The following MTDH variants were observed in gnomAD, a reference collection of about 807,000 sequenced individuals.
The protein encoded by MTDH is protein LYRIC.
Under a neutral mutation model 72.7 loss-of-function variants are expected in MTDH, and 34 were observed. That is an observed-to-expected ratio of 0.47 (90% CI 0.36 to 0.62). The LOEUF (loss-of-function observed/expected upper bound fraction) is 0.62, where lower values mean the gene tolerates loss of function less well. MTDH is among the 20% of genes least tolerant of loss of function. The probability of loss-of-function intolerance (pLI) is 0.00; values close to 1 mark genes in which losing one functional copy is unlikely to be tolerated. For missense variants in MTDH, 677 were observed against 699.4 expected, an observed-to-expected ratio of 0.97 and a Z score of 0.36; for synonymous variants, 266 against 268.9, an observed-to-expected ratio of 0.99 and a Z score of 0.10.
At chr8:97,689,705 CTTTT>C (rs34132114) in intron 5 of MTDH, among the ~76,000 whole-genome samples, 1 of 123,462 alleles carries the variant, frequency 8.1e-6, no homozygotes, top group Non-Finnish European at 1.7e-5. Context: ...TCTTTCAGGC[CTTTT>C]TTTTTTTTTT....
At chr8:97,713,616 C>A in intron 8 of MTDH, 46 bp from the exon 9 acceptor site, 1 of 1,046,366 alleles carries the variant, frequency 9.6e-7, no homozygotes, top group South Asian at 1.7e-5. Flanking sequence ...AAATAATGGA[C>A]ACATAACCAT....
At chr8:97,711,152 T>C (rs1318478199) in intron 8 of MTDH, among the ~76,000 whole-genome samples, 1 of 151,982 alleles carries the variant, frequency 6.6e-6, no homozygotes, top group African/African-American at 2.4e-5. Context: ...AATTCAGTTT[T>C]TTAAATTAAA....
chr8:97,684,271 A>G (rs994746745), intron 2 of MTDH, among the ~76,000 whole-genome samples: 1 of 151,978 alleles, frequency 6.6e-6, no homozygotes, highest in African/African-American at 2.4e-5. Context: ...TATGAGTTCC[A>G]TGTTGAAATG....
rs1430881526 is a variant in MTDH, at chr8:97,728,771, A to T, written c.*4101A>T. ...CCCCATCTCGACAAAAAAAAAAAAA[A>T]AAAATTAGAAACAAAAAAAAGATTG... On this transcript the variant is annotated 3_prime_UTR_variant, in exon 12 of 12. Coordinates refer to ENST00000336273, the MANE Select transcript of MTDH (RefSeq NM_178812.4). 1 of 151,660 alleles carries T rather than the reference A, an allele frequency of 6.6e-6. No individual in the cohort carries two copies. Among genetic ancestry groups the T allele is most frequent in the Non-Finnish European group, 1.5e-5 (1 of 67,958 alleles). The allele number at this position is 151,660 out of a possible 1,614,324, so 9.4% of individuals were successfully genotyped here. A position where few individuals can be genotyped will look rare whatever the true frequency, so the allele number is the denominator to read the frequency against.
intron 7 of MTDH, among the ~76,000 whole-genome samples, chr8:97,700,686 A>G (rs926759170): frequency 1.3e-5 from 2 of 152,192 alleles, no homozygotes; most frequent in African/African-American, 2.4e-5. Flanking sequence ...AAACATTTCT[A>G]TGTGGTAGGT....
intron 2 of MTDH, among the ~76,000 whole-genome samples, chr8:97,683,090 A>T: frequency 1.4e-5 from 1 of 71,712 alleles, no homozygotes; most frequent in East Asian, 5.4e-4. Context: ...TTTGAGATGG[A>T]GTCTCTCTCT....
Position 97,686,772 on chromosome 8 carries a change from G to C in MTDH, c.568+20G>C. On this transcript the variant is annotated intron_variant, in intron 3 of 11. Coordinates refer to ENST00000336273, the MANE Select transcript of MTDH (RefSeq NM_178812.4). ...ATGAAGGTACTTGAGCAAGGGAAAGGACTGTAGAAAATTTTTTAATCCTTT... is the reference window on the plus strand; with the variant it reads ...ATGAAGGTACTTGAGCAAGGGAAAGCACTGTAGAAAATTTTTTAATCCTTT... 6.5e-7 allele frequency: 1 copy of C among 1,541,906 alleles called. No homozygotes were observed. Among genetic ancestry groups the C allele is most frequent in the Non-Finnish European group, 8.7e-7 (1 of 1,143,476 alleles).
At chr8:97,645,516 C>T (rs557742129) in intron 1 of MTDH, among the ~76,000 whole-genome samples, 2 of 152,168 alleles carry the variant, frequency 1.3e-5, no homozygotes, top group East Asian at 1.9e-4. Context: ...TTACCTAATA[C>T]GCTTTGAGGT....
chr8:97,653,098 A>G (rs893537969), intron 1 of MTDH, among the ~76,000 whole-genome samples: 1 of 151,932 alleles, frequency 6.6e-6, no homozygotes, highest in Non-Finnish European at 1.5e-5. Flanking sequence ...TAGCCTGGCG[A>G]CAGAGCGAGA....
chr8:97,649,303 T>C (rs1452600963), intron 1 of MTDH, among the ~76,000 whole-genome samples: 1 of 152,250 alleles, frequency 6.6e-6, no homozygotes, highest in Non-Finnish European at 1.5e-5. Flanking sequence ...TTGTTTAGAC[T>C]GTTCTAACAT....
chr8:97,688,713 C>T (rs1813465297), intron 4 of MTDH, among the ~76,000 whole-genome samples: 1 of 152,082 alleles, frequency 6.6e-6, no homozygotes, highest in Non-Finnish European at 1.5e-5. Flanking sequence ...AAGTTGAATC[C>T]AATTACAGAG....
At position 97,689,068 on chromosome 8, in the gene MTDH, A is replaced by G; in HGVS notation, c.776A>G (p.Asn259Ser). Residue 259 changes from asparagine to serine, a missense_variant, in exon 5 of 12, where the codon AAC (asparagine) becomes AGC (serine). By Grantham distance (46) the Asn-to-Ser change is conservative. Coordinates refer to ENST00000336273, the MANE Select transcript of MTDH (RefSeq NM_178812.4). ...TCTCATCTAAATGTTCAAGTTAGCA[A>G]CTTTAAATCTGGAAAAGGAGATTCT... is the stretch of plus-strand genomic sequence containing the variant. ...GDSHLNVQVS[N>S]FKSGKGDSTL... is the part of the protein sequence containing the mutation. 2 of 1,585,538 alleles carry G rather than the reference A, an allele frequency of 1.3e-6. No homozygotes were observed. The highest frequency in any genetic ancestry group is 2.2e-5 in the East Asian group (1 of 44,462).
intron 2 of MTDH, among the ~76,000 whole-genome samples, chr8:97,663,039 G>A (rs1161543777): frequency 6.6e-6 from 1 of 152,074 alleles, no homozygotes; most frequent in Non-Finnish European, 1.5e-5. Flanking sequence ...CATAAGGAGT[G>A]TGAGTTTATA....
intron 2 of MTDH, among the ~76,000 whole-genome samples, chr8:97,662,126 T>G (rs1328824906): frequency 6.6e-6 from 1 of 151,908 alleles, no homozygotes; most frequent in Non-Finnish European, 1.5e-5. Flanking sequence ...TTCTTAACAG[T>G]GGTTCCTTCT....
Position 97,706,642 on chromosome 8 carries a change from T to C in MTDH, c.1164T>C (p.Ala388=). The C allele has an allele frequency of 6.2e-7, 1 of 1,610,804 alleles. No individual in the cohort carries two copies. The highest frequency in any genetic ancestry group is 8.5e-7 in the Non-Finnish European group (1 of 1,178,704). ...AAATTTTAGATGGTCTGTCTTCTGCTGATCCCAACTCTGATTGGAATGCAC... is the reference window on the plus strand; with the variant it reads ...AAATTTTAGATGGTCTGTCTTCTGCCGATCCCAACTCTGATTGGAATGCAC... ...EWSGLNGLSS[A]DPNSDWNAPA... is the part of the protein sequence containing the mutation. Residue 388 remains alanine (A), a synonymous_variant, in exon 8 of 12, where the codon GCT becomes GCC. Coordinates refer to ENST00000336273, the MANE Select transcript of MTDH (RefSeq NM_178812.4).
chr8:97,686,230 A>G (rs951823141), intron 2 of MTDH, among the ~76,000 whole-genome samples: 1 of 152,202 alleles, frequency 6.6e-6, no homozygotes, highest in South Asian at 2.1e-4. Flanking sequence ...TGCTTTGAAA[A>G]CACCGTATTA....
chr8:97,672,558 T>C (rs368351707), intron 2 of MTDH, among the ~76,000 whole-genome samples: 1 of 152,200 alleles, frequency 6.6e-6, no homozygotes, highest in South Asian at 2.1e-4. Context: ...TATTTATCCC[T>C]CTAGACTTTT....
At chr8:97,650,518 A>C (rs912795266) in intron 1 of MTDH, among the ~76,000 whole-genome samples, 2 of 151,112 alleles carry the variant, frequency 1.3e-5, no homozygotes, top group African/African-American at 4.9e-5. Flanking sequence ...CAAGTACTCC[A>C]CCTGCCTAGG....
chr8:97,714,692 T>C (rs1297873442), intron 9 of MTDH, among the ~76,000 whole-genome samples: 2 of 152,218 alleles, frequency 1.3e-5, no homozygotes, highest in African/African-American at 2.4e-5. Flanking sequence ...TACTGTTACA[T>C]TACAACTTCT....
Sources: allele counts gnomAD v4.1 joint callset (sites outside exome capture counted in the v4.1 genomes callset), GRCh38; gene constraint gnomAD v4.1.1; transcripts MANE v1.5; gene names NCBI Gene and HGNC (gene_info 2026-07-23, HGNC 2026-07-21).